Variants in ZNF469 observed in about 807,000 individuals in gnomAD.
ZNF469 encodes zinc finger protein 469.
A neutral mutation model predicts 1.0 loss-of-function variants in ZNF469; 1 was observed. That is an observed-to-expected ratio of 1.00 (90% CI 0.35 to 4.73). The LOEUF is 4.73. Ranked by LOEUF, ZNF469 falls within the 30% of genes most tolerant of loss-of-function variation. ZNF469 has a pLI of 0.16. For missense variants in ZNF469, 6,100 were observed against 5,356.3 expected, an observed-to-expected ratio of 1.14 and a Z score of -4.33; for synonymous variants, 2,703 against 2,363.4, an observed-to-expected ratio of 1.14 and a Z score of -4.17.
the ZNF469 span, among the ~76,000 whole-genome samples, chr16:88,168,197 G>A: frequency 6.6e-6 from 1 of 152,190 alleles, no homozygotes; most frequent in African/African-American, 2.4e-5. This position sits in a 1 kb window ranked among gnomAD's most constrained non-coding sequence, Gnocchi z 4.3. Flanking sequence ...GTTAACAGAA[G>A]CTCAACTTCA....
chr16:88,129,006 C>T, the ZNF469 span, among the ~76,000 whole-genome samples: 1 of 152,222 alleles, frequency 6.6e-6, no homozygotes, highest in Admixed American at 6.5e-5. Flanking sequence ...CGCATGTTTG[C>T]GTTGAATGAT....
At chr16:88,250,992 C>A in the ZNF469 span, among the ~76,000 whole-genome samples, 1 of 152,196 alleles carries the variant, frequency 6.6e-6, no homozygotes, top group African/African-American at 2.4e-5. Context: ...ATTCTCCTGC[C>A]TCAGCCTCCC....
the ZNF469 span, among the ~76,000 whole-genome samples, chr16:88,318,089 C>G: frequency 2.1e-4 from 32 of 152,334 alleles, no homozygotes; most frequent in Middle Eastern, 3.4e-3. Flanking sequence ...GGAGAGGGAC[C>G]TGCGATCCCT....
chr16:88,312,160 G>C, the ZNF469 span, among the ~76,000 whole-genome samples: 16 of 151,328 alleles, frequency 1.1e-4, no homozygotes, highest in African/African-American at 3.6e-4. Context: ...CATGAGAACA[G>C]TATGGGGGAA....
At chr16:88,227,062 C>A in the ZNF469 span, among the ~76,000 whole-genome samples, 1 of 147,990 alleles carries the variant, frequency 6.8e-6, no homozygotes, top group Non-Finnish European at 1.5e-5. Flanking sequence ...CCGGGGCCTG[C>A]GCGTTTCCAC....
the ZNF469 span, among the ~76,000 whole-genome samples, chr16:88,371,085 C>A: frequency 1.3e-5 from 2 of 152,246 alleles, no homozygotes; most frequent in African/African-American, 4.8e-5. Context: ...CAGAAAATGG[C>A]CCACATGCTC....
the ZNF469 span, among the ~76,000 whole-genome samples, chr16:88,259,966 T>A: frequency 6.6e-6 from 1 of 151,624 alleles, no homozygotes; most frequent in Non-Finnish European, 1.5e-5. The surrounding 1 kb of genome is among the most constrained non-coding windows in gnomAD (Gnocchi z 4.1). Flanking sequence ...AAAAAGTCAC[T>A]TTTTTTTTGT....
chr16:88,180,955 G>A, the ZNF469 span, among the ~76,000 whole-genome samples: 4 of 152,106 alleles, frequency 2.6e-5, no homozygotes. Flanking sequence ...CTCTCTGTAA[G>A]CTATAGAAGA....
At position 88,433,341 on chromosome 16, in the gene ZNF469, C is replaced by T. The variant is rs1274836035; in HGVS notation, c.5871C>T (p.Gly1957=). 3.2e-6 allele frequency: 5 copies of T among 1,550,308 alleles called. No homozygotes were observed. The highest frequency in any genetic ancestry group is 1.7e-4 in the Middle Eastern group (1 of 5,992). ...GGKVACGPAQ[G]SPGGVQVTTL... ...AGGTGGCCTGTGGCCCCGCCCAGGGCTCCCCAGGGGGTGTGCAGGTGACAA... is the reference window on the plus strand; with the variant it reads ...AGGTGGCCTGTGGCCCCGCCCAGGGTTCCCCAGGGGGTGTGCAGGTGACAA... Residue 1957 remains glycine, a synonymous_variant, in exon 3 of 3, where the codon GGC becomes GGT. Transcript: ENST00000565624.
the ZNF469 span, among the ~76,000 whole-genome samples, chr16:88,174,545 G>A: frequency 7.1e-6 from 1 of 140,512 alleles, no homozygotes. Context: ...TGAACAACAT[G>A]GGTTTGAACT....
chr16:88,229,579 T>TGATGCCGCGCGTGTG, the ZNF469 span, among the ~76,000 whole-genome samples: 4 of 59,816 alleles, frequency 6.7e-5, no homozygotes, highest in Admixed American at 1.5e-4. Flanking sequence ...GCTTGTGCGC[T>TGATGCCGCGCGTGTG]GATGTCACGC....
chr16:88,228,933 G>A, the ZNF469 span, among the ~76,000 whole-genome samples: 24 of 152,316 alleles, frequency 1.6e-4, no homozygotes, highest in African/African-American at 5.3e-4. Flanking sequence ...GCATCGGGCA[G>A]AAGCCAGGCG....
the ZNF469 span, among the ~76,000 whole-genome samples, chr16:88,312,670 C>T: frequency 6.6e-6 from 1 of 151,968 alleles, no homozygotes; most frequent in Admixed American, 6.6e-5. Flanking sequence ...TGTTTTTTTG[C>T]CCTTAAGTCT....
intron 1 of ZNF469, among the ~76,000 whole-genome samples, chr16:88,404,187 G>C (rs952234699): frequency 2.0e-5 from 3 of 152,056 alleles, no homozygotes; most frequent in Admixed American, 1.3e-4. Flanking sequence ...CCACACCCCC[G>C]GCACCTGGCT....
the ZNF469 span, among the ~76,000 whole-genome samples, chr16:88,342,831 G>A: frequency 0.062 from 9,441 of 152,314 alleles, 381 homozygotes; most frequent in East Asian, 0.13. Flanking sequence ...CGCCAGCATA[G>A]GGCGATACCC....
chr16:88,373,936 G>A, the ZNF469 span, among the ~76,000 whole-genome samples: 1 of 152,114 alleles, frequency 6.6e-6, no homozygotes, highest in Non-Finnish European at 1.5e-5. Context: ...GGAAGAGGCA[G>A]AGGCTGCAGT....
chr16:88,277,124 C>T, the ZNF469 span, among the ~76,000 whole-genome samples: 13 of 152,080 alleles, frequency 8.5e-5, no homozygotes, highest in African/African-American at 1.2e-4. Context: ...GCCACGCTGA[C>T]GCTTGGTCAG....
At chr16:88,105,674 A>G in the ZNF469 span, among the ~76,000 whole-genome samples, 1 of 152,224 alleles carries the variant, frequency 6.6e-6, no homozygotes, top group Admixed American at 6.5e-5. Context: ...TTAGCAAATA[A>G]GCATAATTGG....
At chr16:88,203,660 CCTTGG>C in the ZNF469 span, among the ~76,000 whole-genome samples, 1 of 152,194 alleles carries the variant, frequency 6.6e-6, no homozygotes, top group African/African-American at 2.4e-5. Context: ...CTCCAGGCGT[CCTTGG>C]CTTGTGGCCA....
Sources: allele counts gnomAD v4.1 joint callset (sites outside exome capture counted in the v4.1 genomes callset), GRCh38; gene constraint gnomAD v4.1.1; non-coding constraint Gnocchi (gnomAD v3.1); transcripts MANE v1.5; gene names NCBI Gene and HGNC (gene_info 2026-07-23, HGNC 2026-07-21).